Variants in ZFX observed in about 807,000 individuals in gnomAD.
The protein encoded by ZFX is zinc finger X-chromosomal protein.
For missense variants in ZFX, 362 were observed against 628.3 expected (o/e 0.58, Z 4.53); for synonymous variants, 196 against 226.8 (o/e 0.86, Z 1.22).
intron 5 of ZFX, among the ~76,000 whole-genome samples, chrX:24,188,043 G>A (rs776700540): frequency 3.4e-4 from 37 of 109,907 alleles, no homozygotes; most frequent in Non-Finnish European, 5.3e-4. Context: ...ATGGTGGTGC[G>A]CACCTGTAAT....
chrX:24,186,090 A>G (rs1936091165), intron 5 of ZFX, among the ~76,000 whole-genome samples: 1 of 109,665 alleles, frequency 9.1e-6, no homozygotes, highest in South Asian at 4.0e-4. Flanking sequence ...TCGGTAGTCA[A>G]CTTTAATGCT....
Position 24,210,831 on chromosome X carries a change from C to G in ZFX, c.1873C>G (p.Leu625Val). 4 of 1,211,953 alleles carry G rather than the reference C, an allele frequency of 3.3e-6. No individual in the cohort carries two copies. The highest frequency in any genetic ancestry group is 4.5e-6 in the Non-Finnish European group (4 of 895,557). Residue 625 changes from leucine to valine, a missense_variant, in exon 10 of 10, where the codon CTT becomes GTT. Coordinates refer to ENST00000304543, the MANE Select transcript of ZFX (RefSeq NM_003410.4). ...TACCAAAGAGGTGCAGCAACATGCT[C>G]TTATCCACCAAGAAAGCAAAACACA... is the stretch of plus-strand genomic sequence containing the variant. The part of the protein sequence containing the change: ...SDTKEVQQHA[L>V]IHQESKTHQC...
chrX:24,189,106 G>A (rs754337118), intron 5 of ZFX, among the ~76,000 whole-genome samples: 11 of 112,186 alleles, frequency 9.8e-5, no homozygotes, highest in Admixed American at 1.9e-4. Flanking sequence ...CAAAGTGCTA[G>A]GATTATAGGC....
chrX:24,191,157 A>G (rs1310882352), intron 5 of ZFX, among the ~76,000 whole-genome samples: 3 of 111,719 alleles, frequency 2.7e-5, no homozygotes, highest in Admixed American at 9.5e-5. Context: ...TTGTTTTACT[A>G]GTTTTAGACC....
intron 3 of ZFX, among the ~76,000 whole-genome samples, chrX:24,165,079 TA>T (rs1032097974): frequency 3.6e-5 from 4 of 111,646 alleles, no homozygotes; most frequent in African/African-American, 1.3e-4. Context: ...TGCACTAATT[TA>T]AAAAAACCCC....
At chrX:24,154,182 T>C (rs1313539088) in intron 3 of ZFX, among the ~76,000 whole-genome samples, 2 of 112,440 alleles carry the variant, frequency 1.8e-5, no homozygotes, top group Middle Eastern at 4.6e-3. Flanking sequence ...GGAATATTTT[T>C]AAATTACTGA....
chrX:24,171,060 T>C (rs972949011), intron 3 of ZFX, among the ~76,000 whole-genome samples: 2 of 112,204 alleles, frequency 1.8e-5, no homozygotes. Context: ...ATATTTCCAT[T>C]ACTATTCCAT....
intron 3 of ZFX, 49 bp from the exon 4 acceptor site, chrX:24,172,666 C>T: frequency 1.1e-6 from 1 of 947,351 alleles, no homozygotes; most frequent in Non-Finnish European, 1.4e-6. Context: ...CATTTAATAC[C>T]TGATATGAAA....
intron 3 of ZFX, among the ~76,000 whole-genome samples, chrX:24,170,358 T>C (rs1934457283): frequency 9.2e-6 from 1 of 109,110 alleles, no homozygotes; most frequent in Non-Finnish European, 1.9e-5. Flanking sequence ...GGTTGCGCCA[T>C]GTTGGCCAGG....
In ZFX at chrX:24,210,395, G is replaced by C; in HGVS notation, c.1437G>C (p.Lys479Asn). The change falls in exon 10 of 10, where the codon AAG becomes AAC. Residue 479 changes from lysine to asparagine, a missense_variant. Coordinates refer to ENST00000304543, the MANE Select transcript of ZFX (RefSeq NM_003410.4). Reference sequence around the variant, plus strand: ...TACACAACCACCTGGAGAGCCACAAGCTGACCAGCAAGGCAGAGAAGGCCA... The same window carrying C: ...TACACAACCACCTGGAGAGCCACAACCTGACCAGCAAGGCAGAGAAGGCCA... ...ISLHNHLESH[K>N]LTSKAEKAIE... The C allele has an allele frequency of 8.2e-7, 1 of 1,212,181 alleles. No homozygotes were observed. Among genetic ancestry groups the C allele is most frequent in the Non-Finnish European group, 1.1e-6 (1 of 895,649 alleles).
At chrX:24,177,556 C>A in intron 4 of ZFX, 1 of 282,264 alleles carries the variant, frequency 3.5e-6, no homozygotes, top group Non-Finnish European at 4.8e-6. Context: ...ACCTCCACCA[C>A]TCCAGCGCAG....
rs938716037 is a variant in ZFX, at chrX:24,199,997, G to A, written c.647-7329G>A. On this transcript the variant is annotated intron_variant, in intron 5 of 9. Transcript: ENST00000304543. ...TTTGTATCCTGATGAGAATGATCCA[G>A]TAGAGGATGCAGGGAAAGAGAGGGG... Among the ~76,000 whole-genome samples the A allele has an allele frequency of 4.5e-5, 5 of 110,784 alleles. No homozygotes were observed. The Admixed American group carries it at 4.9e-4, about 11-fold the overall frequency.
chrX:24,180,225 CCTT>C (rs1400590468), intron 5 of ZFX, among the ~76,000 whole-genome samples: 1 of 108,259 alleles, frequency 9.2e-6, no homozygotes, highest in Non-Finnish European at 1.9e-5. Context: ...GAGCAAGACT[CCTT>C]CTCAAAAAAA....
At chrX:24,204,339 T>C (rs919895733) in intron 5 of ZFX, among the ~76,000 whole-genome samples, 1 of 112,408 alleles carries the variant, frequency 8.9e-6, no homozygotes, top group Non-Finnish European at 1.9e-5. Flanking sequence ...TTTTGAGATA[T>C]TAGATTCATC....
intron 3 of ZFX, among the ~76,000 whole-genome samples, chrX:24,158,566 G>A (rs776120669): frequency 8.9e-6 from 1 of 111,967 alleles, no homozygotes; most frequent in South Asian, 3.7e-4. Flanking sequence ...TTAATGGAGT[G>A]CTTCTAATGT....
At chrX:24,186,609 C>G (rs986554059) in intron 5 of ZFX, among the ~76,000 whole-genome samples, 26 of 110,452 alleles carry the variant, frequency 2.4e-4, no homozygotes, top group Admixed American at 6.8e-4. Context: ...GGTGACAGAA[C>G]GAGACCCCAT....
At chrX:24,200,013 AAG>A (rs1424194063) in intron 5 of ZFX, among the ~76,000 whole-genome samples, 2 of 110,861 alleles carry the variant, frequency 1.8e-5, no homozygotes, top group Non-Finnish European at 3.8e-5. Context: ...GATGCAGGGA[AAG>A]AGAGGGGAGA....
chrX:24,190,058 T>A lies in ZFX; in HGVS notation c.646+10288T>A, dbSNP rs774430746. 2.6e-3 allele frequency among the ~76,000 whole-genome samples: 294 copies of A among 112,436 alleles called. 2 individuals are homozygous for A. Among genetic ancestry groups the A allele is most frequent in the Non-Finnish European group, 4.4e-3 (234 of 53,247 alleles). ...TTGGAGAAGGTGTATTGAAGATTTTTAAAATTTATTTCATTATTTTTTAAT... is the reference window on the plus strand; with the variant it reads ...TTGGAGAAGGTGTATTGAAGATTTTAAAAATTTATTTCATTATTTTTTAAT... On this transcript the variant is annotated intron_variant, in intron 5 of 9. Transcript: ENST00000304543.
chrX:24,192,390 G>C (rs1172907967), intron 5 of ZFX, among the ~76,000 whole-genome samples: 1 of 111,625 alleles, frequency 9.0e-6, no homozygotes, highest in Non-Finnish European at 1.9e-5. Context: ...AGATTTATCA[G>C]GTGTCTGGAA....
Sources: gnomAD v4.1 joint callset for allele counts (sites outside exome capture counted in the v4.1 genomes callset) on GRCh38, gnomAD v4.1.1 for gene constraint, MANE v1.5 for transcripts, NCBI Gene and HGNC (gene_info 2026-07-23, HGNC 2026-07-21) for gene names.